RYR3: variants seen among roughly 807,000 people sequenced by gnomAD.
RYR3 encodes the protein ryanodine receptor 3, also known as brain ryanodine receptor-calcium release channel.
RYR3 carries 207 observed loss-of-function variants against 584.3 expected under a neutral mutation model. The observed-to-expected ratio is 0.35, with a 90% confidence interval of 0.32 to 0.40. RYR3 has a LOEUF of 0.40. Among genes scored for constraint, RYR3 ranks in the 10% least tolerant of loss-of-function variants. The pLI, the probability that RYR3 is intolerant of heterozygous loss-of-function variation, is 1.00. For synonymous variants in RYR3, 2,416 were observed against 2,248.5 expected (o/e 1.07, Z -2.11); for missense variants, 5,616 against 6,089.2 (o/e 0.92, Z 2.59).
chr15:33,511,588 T>C (rs2053009241), intron 3 of RYR3, among the ~76,000 whole-genome samples: 1 of 147,846 alleles, frequency 6.8e-6, no homozygotes, highest in African/African-American at 2.5e-5. Context: ...CAGTTTCCAT[T>C]CTTTGTGTCT....
At chr15:33,718,142 C>T (rs955040150) in intron 43 of RYR3, among the ~76,000 whole-genome samples, 4 of 152,128 alleles carry the variant, frequency 2.6e-5, no homozygotes, top group African/African-American at 9.7e-5. Context: ...CATGCTGAAG[C>T]CCCGTGTTCT....
At chr15:33,683,649 C>T (rs2064789866) in intron 38 of RYR3, among the ~76,000 whole-genome samples, 1 of 152,218 alleles carries the variant, frequency 6.6e-6, no homozygotes, top group Non-Finnish European at 1.5e-5. Flanking sequence ...GTGCGTGCAG[C>T]CCATGGAGGG....
intron 4 of RYR3, among the ~76,000 whole-genome samples, chr15:33,531,686 A>T (rs1162550864): frequency 3.3e-5 from 5 of 151,760 alleles, no homozygotes. Context: ...TGACCTTTTC[A>T]GCCTGAACAT....
intron 1 of RYR3, chr15:33,467,417 G>C: frequency 1.1e-6 from 1 of 937,998 alleles, no homozygotes; most frequent in South Asian, 4.9e-5. Context: ...GAGAGCCAAG[G>C]TTCCCCAGCC....
At chr15:33,861,741 G>C (rs1888310265) in intron 102 of RYR3, among the ~76,000 whole-genome samples, 1 of 152,094 alleles carries the variant, frequency 6.6e-6, no homozygotes, top group Non-Finnish European at 1.5e-5. Context: ...GCCTCATCAT[G>C]TCTGTCTTTT....
chr15:33,701,698 T>A (rs1372017624), intron 42 of RYR3, among the ~76,000 whole-genome samples: 3 of 151,428 alleles, frequency 2.0e-5, no homozygotes, highest in African/African-American at 4.9e-5. Flanking sequence ...AAATCAAAGG[T>A]CATCATTATG....
chr15:33,748,837 A>G (rs147271036), intron 55 of RYR3, among the ~76,000 whole-genome samples: 2 of 152,282 alleles, frequency 1.3e-5, no homozygotes, highest in Non-Finnish European at 2.9e-5. Flanking sequence ...CTTCCCACAG[A>G]TACCAAAACC....
intron 12 of RYR3, among the ~76,000 whole-genome samples, chr15:33,578,890 T>A (rs1249389070): frequency 3.3e-5 from 5 of 152,172 alleles, no homozygotes; most frequent in African/African-American, 1.2e-4. Context: ...CCCCTTCCTC[T>A]TCATAGCCTT....
chr15:33,854,620 C>G (rs528638295), intron 97 of RYR3, 146 bp from the exon 98 acceptor site: 2 of 1,141,366 alleles, frequency 1.8e-6, no homozygotes, highest in African/African-American at 1.6e-5. Context: ...ATGGGGCTCA[C>G]TTAGCAGATC....
intron 77 of RYR3, 32 bp from the exon 78 acceptor site, chr15:33,820,724 G>A (rs1340574909): frequency 6.3e-7 from 1 of 1,576,990 alleles, no homozygotes. Context: ...TTGATTGTCT[G>A]TCTTCTCCCT....
intron 9 of RYR3, among the ~76,000 whole-genome samples, chr15:33,548,998 C>T (rs2056464552): frequency 6.6e-6 from 1 of 152,048 alleles, no homozygotes; most frequent in Non-Finnish European, 1.5e-5. Flanking sequence ...CCAAGGGCTC[C>T]TGAAGATAAT....
chr15:33,581,643 G>T lies in RYR3; in HGVS notation c.1573G>T (p.Ala525Ser). 6.2e-7 allele frequency: 1 copy of T among 1,613,340 alleles called. No homozygotes were observed. Among genetic ancestry groups the T allele is most frequent in the South Asian group, 1.1e-5 (1 of 91,048 alleles). ...EILNLLYKLL[A>S]ALIRGNRNNC... Reference sequence around the variant, plus strand: ...TCTGAACCTCCTCTACAAATTGCTGGGTAAGTACACATACAGTGCCTTCTC... The same window carrying T: ...TCTGAACCTCCTCTACAAATTGCTGTGTAAGTACACATACAGTGCCTTCTC... Residue 525 changes from alanine to serine, a missense_variant and splice_region_variant, in exon 14 of 104, where the codon GCT becomes TCT. By Grantham distance (99) the Ala-to-Ser change is moderately conservative. Coordinates refer to ENST00000634891, the MANE Select transcript of RYR3 (RefSeq NM_001036.6).
chr15:33,476,699 C>A (rs527243532), intron 2 of RYR3, among the ~76,000 whole-genome samples: 1 of 152,292 alleles, frequency 6.6e-6, no homozygotes, highest in East Asian at 1.9e-4. Context: ...GAAGCATGAA[C>A]ACTATTAAAC....
intron 94 of RYR3, chr15:33,849,346 C>G (rs558854977): frequency 6.6e-6 from 1 of 152,110 alleles, no homozygotes; most frequent in Non-Finnish European, 1.5e-5. Flanking sequence ...AAGGCTCTGA[C>G]GCTTACTGGT....
intron 3 of RYR3, among the ~76,000 whole-genome samples, chr15:33,527,125 G>C (rs2141014410): frequency 6.6e-6 from 1 of 152,170 alleles, no homozygotes; most frequent in South Asian, 2.1e-4. Context: ...GAGGGAACCA[G>C]GTCATACAGG....
intron 93 of RYR3, 149 bp from the exon 94 acceptor site, chr15:33,848,142 G>A: frequency 1.1e-6 from 1 of 926,708 alleles, no homozygotes; most frequent in South Asian, 1.5e-5. Flanking sequence ...GATTCATTTG[G>A]CTTTGATCCC....
Position 33,837,796 on chromosome 15 carries a change from T to A in RYR3, c.11816T>A (p.Ile3939Asn). Residue 3939 changes from isoleucine (I) to asparagine (N), a missense_variant, in exon 89 of 104, where the codon ATC becomes AAC. Physicochemically the swap from Ile to Asn is moderately radical, Grantham distance 149. This residue lies in a region of RYR3 where 258 missense variants were observed against 297.3 expected (regional missense o/e 0.87). Transcript: ENST00000634891. ...KEYDPDGKGI[I>N]SKKEFQKAME... ...TATGACCCAGATGGTAAAGGAATTA[T>A]CTCCAAAAAAGAATTCCAGAAGGCC... 6.2e-7 allele frequency: 1 copy of A among 1,613,860 alleles called. No homozygotes were observed. Among genetic ancestry groups the A allele is most frequent in the Non-Finnish European group, 8.5e-7 (1 of 1,179,868 alleles).
At chr15:33,657,114 T>A (rs776113283) in intron 32 of RYR3, among the ~76,000 whole-genome samples, 3 of 152,216 alleles carry the variant, frequency 2.0e-5, no homozygotes, top group Non-Finnish European at 4.4e-5. Flanking sequence ...TGTGTTTTTT[T>A]CTTGTTTTAG....
At chr15:33,552,209 A>G (rs892773) in intron 10 of RYR3, among the ~76,000 whole-genome samples, 131,455 of 151,922 alleles carry the variant, frequency 0.87, 57,468 homozygotes, top group Middle Eastern at 0.98. Context: ...ATTATATTCC[A>G]TTCTTGGCTC....
Sources: gnomAD v4.1 joint callset for allele counts (sites outside exome capture counted in the v4.1 genomes callset) on GRCh38, gnomAD v4.1.1 for gene constraint, gnomAD v4.1.1 regional missense constraint, MANE v1.5 for transcripts, NCBI Gene and HGNC (gene_info 2026-07-23, HGNC 2026-07-21) for gene names.